Variants in COL19A1 observed in about 807,000 individuals in gnomAD.
COL19A1 encodes collagen type XIX alpha 1 chain, also known as collagen alpha-1(XIX) chain.
In COL19A1, 159 loss-of-function variants were observed where a neutral mutation model predicts 190.2. The observed-to-expected ratio is 0.84, with a 90% confidence interval of 0.73 to 0.95. COL19A1 has a LOEUF of 0.95. Ranked by LOEUF, COL19A1 falls within the 40% of genes least tolerant of loss-of-function variation. COL19A1 has a pLI of 0.00. For synonymous variants in COL19A1, 509 were observed against 458.9 expected (o/e 1.11, Z -1.39); for missense variants, 1,418 against 1,431.9 (o/e 0.99, Z 0.16).
chr6:70,135,466 A>C lies in COL19A1; in HGVS notation c.1384-2219A>C, dbSNP rs75272812. ...ACCAGTCAACTCATTAGCATACAAA[A>C]AGACGCTTATTGCTTTGGGGATTCC... is the stretch of plus-strand genomic sequence containing the variant. On this transcript the variant is annotated intron_variant, in intron 18 of 50. Coordinates refer to ENST00000620364, the MANE Select transcript of COL19A1 (RefSeq NM_001858.6). Among the ~76,000 whole-genome samples the C allele has an allele frequency of 6.0e-3, 918 of 152,252 alleles. 9 individuals are homozygous for C. Among genetic ancestry groups the C allele is most frequent in the African/African-American group, 0.021 (889 of 41,530 alleles).
intron 11 of COL19A1, among the ~76,000 whole-genome samples, chr6:70,010,385 G>A (rs992298200): frequency 1.6e-4 from 20 of 127,840 alleles, no homozygotes; most frequent in African/African-American, 3.6e-4. Context: ...GAACAGCTCC[G>A]GTCTACAGCT....
Position 70,188,077 on chromosome 6 carries a change from T to C in COL19A1, c.2859T>C (p.Gly953=). The C allele has an allele frequency of 6.2e-7, 1 of 1,612,816 alleles. No individual in the cohort carries two copies. Among genetic ancestry groups the C allele is most frequent in the African/African-American group, 1.3e-5 (1 of 74,952 alleles). Residue 953 remains glycine (G), a splice_region_variant and synonymous_variant, in exon 47 of 51, where the codon GGT becomes GGC. Transcript: ENST00000620364. ...TGTTATTATTTTTTCCTTAACAGGGTGATCAGGGGATTCCAGGAGACAGAG... is the reference window on the plus strand; with the variant it reads ...TGTTATTATTTTTTCCTTAACAGGGCGATCAGGGGATTCCAGGAGACAGAG... The part of the protein sequence containing the change: ...PGDRGPKGER[G]DQGIPGDRGS...
chr6:69,921,325 AT>A (rs1163942708), intron 4 of COL19A1, among the ~76,000 whole-genome samples: 3 of 131,584 alleles, frequency 2.3e-5, no homozygotes, highest in South Asian at 2.3e-4. Flanking sequence ...ATATAATCAT[AT>A]ATCATATATC....
intron 6 of COL19A1, 55 bp downstream of exon 6, chr6:69,929,755 ATCTTATT>A: frequency 6.7e-7 from 1 of 1,483,596 alleles, no homozygotes; most frequent in Non-Finnish European, 9.1e-7. Context: ...TAAAAAAAAA[ATCTTATT>A]AAAAACATTC....
At chr6:70,192,479 A>C (rs1583136938) in intron 48 of COL19A1, among the ~76,000 whole-genome samples, 1 of 122,154 alleles carries the variant, frequency 8.2e-6, no homozygotes. Flanking sequence ...TTCTTTCTTT[A>C]TTTCTCTCTC....
Position 69,947,964 on chromosome 6 carries a change from A to C in COL19A1, c.936+9864A>C, listed in dbSNP as rs1361833803. Among the ~76,000 whole-genome samples the C allele has an allele frequency of 2.0e-5, 3 of 151,880 alleles. No individual in the cohort carries two copies. The East Asian group carries it at 5.8e-4, about 29-fold the overall frequency. ...CTTCTTGTATAAGCTTACTGATGAC[A>C]TTAATTGACGATTCTTCATCATAAA... On this transcript the variant is annotated intron_variant, in intron 9 of 50. Transcript: ENST00000620364.
intron 14 of COL19A1, among the ~76,000 whole-genome samples, chr6:70,050,948 G>A (rs1419321930): frequency 6.6e-6 from 1 of 151,996 alleles, no homozygotes; most frequent in African/African-American, 2.4e-5. Context: ...GTAAGGCCAG[G>A]AAACCAGATT....
chr6:70,168,748 A>G (rs1333812976), intron 40 of COL19A1, 67 bp downstream of exon 40: 11 of 1,552,448 alleles, frequency 7.1e-6, no homozygotes, highest in African/African-American at 1.4e-5. Context: ...AAAGAAAAGC[A>G]TCGGGCAAAA....
At chr6:69,895,297 A>C (rs1170329223) in intron 2 of COL19A1, among the ~76,000 whole-genome samples, 1 of 152,264 alleles carries the variant, frequency 6.6e-6, no homozygotes, top group Non-Finnish European at 1.5e-5. Context: ...CCATAAGCTC[A>C]GAAGTCCAAG....
chr6:69,985,740 C>T (rs745555141), intron 11 of COL19A1, among the ~76,000 whole-genome samples: 6 of 152,156 alleles, frequency 3.9e-5, no homozygotes, highest in Non-Finnish European at 7.4e-5. Context: ...TCCTGAGAGT[C>T]TTTGAAAGTT....
intron 47 of COL19A1, 35 bp from the exon 48 acceptor site, chr6:70,190,280 C>A: frequency 6.8e-7 from 1 of 1,479,622 alleles, no homozygotes; most frequent in Non-Finnish European, 9.4e-7. Context: ...TTGTGCTATG[C>A]TCTATTTTAA....
intron 1 of COL19A1, among the ~76,000 whole-genome samples, chr6:69,874,278 C>A (rs1350381757): frequency 1.3e-5 from 2 of 152,184 alleles, no homozygotes; most frequent in Admixed American, 6.5e-5. Flanking sequence ...TTGTTGAGGT[C>A]AACCTACCGG....
intron 44 of COL19A1, among the ~76,000 whole-genome samples, chr6:70,184,498 G>T (rs113001028): frequency 2.0e-5 from 3 of 149,914 alleles, no homozygotes; most frequent in East Asian, 3.9e-4. Flanking sequence ...TGCCCAAAAA[G>T]GTTAATGGGA....
intron 16 of COL19A1, among the ~76,000 whole-genome samples, chr6:70,108,969 A>G (rs534718494): frequency 4.6e-4 from 70 of 152,288 alleles, no homozygotes; most frequent in African/African-American, 1.6e-3. Context: ...CTAAACAAAT[A>G]CTTATGGCCT....
chr6:70,142,735 A>C, intron 22 of COL19A1, 32 bp from the exon 23 acceptor site: 2 of 1,578,278 alleles, frequency 1.3e-6, no homozygotes, highest in Non-Finnish European at 1.7e-6. Context: ...CTTTTTTAGC[A>C]AAGCTAAAGT....
At chr6:70,151,587 T>C in intron 31 of COL19A1, 149 bp downstream of exon 31, 1 of 679,532 alleles carries the variant, frequency 1.5e-6, no homozygotes, top group South Asian at 1.8e-5. Flanking sequence ...AAAATAAACA[T>C]GTATCTTATA....
chr6:70,142,163 T>C, intron 22 of COL19A1, 87 bp downstream of exon 22: 1 of 1,181,344 alleles, frequency 8.5e-7, no homozygotes, highest in Non-Finnish European at 1.2e-6. Context: ...GGTATGCCAC[T>C]CATTTTCTTC....
At chr6:70,136,360 T>C (rs1300978044) in intron 18 of COL19A1, among the ~76,000 whole-genome samples, 2 of 152,134 alleles carry the variant, frequency 1.3e-5, no homozygotes, top group African/African-American at 4.8e-5. Context: ...GCCTTGTTTA[T>C]AATAGAGAAA....
At chr6:70,005,989 C>A (rs1037997475) in intron 11 of COL19A1, among the ~76,000 whole-genome samples, 1 of 152,140 alleles carries the variant, frequency 6.6e-6, no homozygotes, top group South Asian at 2.1e-4. Context: ...CTATTGGGAC[C>A]AAGCCATTCA....
Sources: gnomAD v4.1 joint callset for allele counts (sites outside exome capture counted in the v4.1 genomes callset) on GRCh38, gnomAD v4.1.1 for gene constraint, MANE v1.5 for transcripts, NCBI Gene and HGNC (gene_info 2026-07-23, HGNC 2026-07-21) for gene names.